The following SOX6 variants were observed in gnomAD, a reference collection of about 807,000 sequenced individuals.
SOX6 encodes the protein SRY-box transcription factor 6, also known as transcription factor SOX-6.
A neutral mutation model predicts 97.8 loss-of-function variants in SOX6; 11 were observed. The observed-to-expected ratio is 0.11, with a 90% CI of 0.07 to 0.19. The LOEUF is 0.19. Ranked by LOEUF, SOX6 falls within the 10% of genes least tolerant of loss-of-function variation. The probability of loss-of-function intolerance (pLI) is 1.00; values close to 1 mark genes in which losing one functional copy is unlikely to be tolerated. For synonymous variants in SOX6, 360 were observed against 371.4 expected (o/e 0.97, Z 0.35); for missense variants, 810 against 1,039.5 (o/e 0.78, Z 3.04).
chr11:16,430,873 T>C (rs1389605114), intron 1 of SOX6, among the ~76,000 whole-genome samples: 1 of 152,168 alleles, frequency 6.6e-6, no homozygotes, highest in Admixed American at 6.5e-5. Context: ...AGAACTCATG[T>C]CACCTTTCTG....
rs936882068 is a variant in SOX6, at chr11:16,408,226, T to C, written c.-4-66974A>G. Reference sequence around the variant, plus strand: ...AACACTAAGTCCATGTTCAGAGAGCTGTACTAACTCTTCTGAAAGGAAGCA... The same window carrying C: ...AACACTAAGTCCATGTTCAGAGAGCCGTACTAACTCTTCTGAAAGGAAGCA... On this transcript the variant is annotated intron_variant, in intron 1 of 15. Coordinates refer to the SOX6 transcript ENST00000396356. Among the ~76,000 whole-genome samples, 5 of 152,192 alleles carry C rather than the reference T, an allele frequency of 3.3e-5. No homozygotes were observed. The South Asian group carries it at 6.2e-4, about 19-fold the overall frequency.
intron 3 of SOX6, among the ~76,000 whole-genome samples, chr11:16,296,425 C>A (rs1242056242): frequency 6.6e-6 from 1 of 152,066 alleles, no homozygotes; most frequent in Admixed American, 6.6e-5. Context: ...AAGACATGAG[C>A]AGCTGAGCAG....
chr11:16,215,743 A>T (rs76443705), intron 4 of SOX6, among the ~76,000 whole-genome samples: 1,854 of 152,330 alleles, frequency 0.012, 35 homozygotes, highest in African/African-American at 0.042. Context: ...TTTGAAAAGA[A>T]AAATTATAGG....
chr11:16,570,829 T>C (rs761524830), intron 4 of SOX6, among the ~76,000 whole-genome samples: 3 of 152,212 alleles, frequency 2.0e-5, no homozygotes, highest in Non-Finnish European at 2.9e-5. Context: ...ATGTACCCTG[T>C]TTGTAGATTG....
chr11:16,073,322 T>A (rs1413585505), intron 9 of SOX6, among the ~76,000 whole-genome samples: 2 of 152,134 alleles, frequency 1.3e-5, no homozygotes, highest in Admixed American at 1.3e-4. Flanking sequence ...AAACATACTT[T>A]AAATAAACAA....
intron 1 of SOX6, among the ~76,000 whole-genome samples, chr11:16,446,184 G>A (rs1165727480): frequency 6.6e-6 from 1 of 151,932 alleles, no homozygotes; most frequent in Non-Finnish European, 1.5e-5. Context: ...TATTATAAGG[G>A]TTGCATGTAA....
intron 13 of SOX6, among the ~76,000 whole-genome samples, chr11:16,009,950 C>T (rs1854660829): frequency 6.6e-6 from 1 of 151,818 alleles, no homozygotes; most frequent in African/African-American, 2.4e-5. Context: ...TCAACAATTT[C>T]CAAGTATATG....
chr11:16,711,518 G>A (rs1308540056), intron 3 of SOX6, among the ~76,000 whole-genome samples: 1 of 152,098 alleles, frequency 6.6e-6, no homozygotes, highest in Admixed American at 6.6e-5. Flanking sequence ...AGGAGATGCT[G>A]TTTCAAAAAG....
At chr11:16,195,110 C>T (rs1049527614) in intron 4 of SOX6, among the ~76,000 whole-genome samples, 3 of 152,102 alleles carry the variant, frequency 2.0e-5, no homozygotes, top group African/African-American at 4.8e-5. Context: ...GCTCCATGAG[C>T]GTTAGGAGAG....
At chr11:16,699,249 A>T (rs972047676) in intron 3 of SOX6, among the ~76,000 whole-genome samples, 29 of 152,088 alleles carry the variant, frequency 1.9e-4, no homozygotes, top group African/African-American at 6.0e-4. Flanking sequence ...ATTGGATATT[A>T]CTATAGCCCA....
intron 13 of SOX6, among the ~76,000 whole-genome samples, chr11:15,995,334 A>G (rs1024150542): frequency 6.6e-6 from 1 of 152,134 alleles, no homozygotes; most frequent in African/African-American, 2.4e-5. Context: ...CCCTAAGACT[A>G]AAAACAAAAT....
chr11:16,377,303 T>C (rs1023421102), intron 1 of SOX6, among the ~76,000 whole-genome samples: 1 of 152,098 alleles, frequency 6.6e-6, no homozygotes, highest in Non-Finnish European at 1.5e-5. Flanking sequence ...AACTGTAATG[T>C]TAGTTTTCCT....
At chr11:16,094,304 G>T (rs974290510) in intron 9 of SOX6, among the ~76,000 whole-genome samples, 2 of 151,344 alleles carry the variant, frequency 1.3e-5, no homozygotes, top group Non-Finnish European at 3.0e-5. Context: ...CAGTGATGGT[G>T]TGGGGGTTGG....
chr11:16,531,142 G>T (rs1861230201), intron 4 of SOX6, among the ~76,000 whole-genome samples: 1 of 150,482 alleles, frequency 6.6e-6, no homozygotes, highest in Admixed American at 6.6e-5. Flanking sequence ...GGAAAGAGAA[G>T]AGAATGTTTC....
chr11:15,986,710 C>T (rs1251730792), intron 14 of SOX6, among the ~76,000 whole-genome samples: 1 of 152,156 alleles, frequency 6.6e-6, no homozygotes, highest in East Asian at 1.9e-4. Context: ...AGGTCTTTCC[C>T]CATCCACCTG....
At chr11:16,465,447 T>TA (rs746661762) in intron 1 of SOX6, among the ~76,000 whole-genome samples, 45 of 152,306 alleles carry the variant, frequency 3.0e-4, no homozygotes, top group South Asian at 1.0e-3. Context: ...CTACTATATA[T>TA]ATATAATAAT....
At chr11:16,425,774 T>C (rs1374345147) in intron 1 of SOX6, among the ~76,000 whole-genome samples, 1 of 152,124 alleles carries the variant, frequency 6.6e-6, no homozygotes, top group Non-Finnish European at 1.5e-5. Context: ...GAAAGATCTC[T>C]ACAAGGAGAA....
At chr11:16,680,842 A>G (rs556393957) in intron 3 of SOX6, among the ~76,000 whole-genome samples, 48 of 152,284 alleles carry the variant, frequency 3.2e-4, no homozygotes, top group African/African-American at 1.1e-3. Context: ...TAAACCAACA[A>G]AGATCAAAAG....
intron 1 of SOX6, among the ~76,000 whole-genome samples, chr11:16,349,530 T>C (rs1464339665): frequency 6.6e-6 from 1 of 151,950 alleles, no homozygotes; most frequent in Non-Finnish European, 1.5e-5. Context: ...GCAGGAGAAT[T>C]GCTTGAACCT....
Sources: gnomAD v4.1 joint callset for allele counts (sites outside exome capture counted in the v4.1 genomes callset) on GRCh38, gnomAD v4.1.1 for gene constraint, MANE v1.5 for transcripts, NCBI Gene and HGNC (gene_info 2026-07-23, HGNC 2026-07-21) for gene names.